The following CBARP variants were observed in gnomAD, a reference collection of about 807,000 sequenced individuals.
The protein encoded by CBARP is voltage-dependent calcium channel beta subunit-associated regulatory protein.
Under a neutral mutation model 36.3 loss-of-function variants are expected in CBARP, and 24 were observed. The observed-to-expected ratio is 0.66, with a 90% confidence interval of 0.48 to 0.93. CBARP has a LOEUF of 0.93. CBARP is among the 40% of genes least tolerant of loss of function. The pLI, the probability that CBARP is intolerant of heterozygous loss-of-function variation, is 0.00. For synonymous variants in CBARP, 586 were observed against 453.2 expected, an observed-to-expected ratio of 1.29 and a Z score of -3.72; for missense variants, 1,146 against 980.4, an observed-to-expected ratio of 1.17 and a Z score of -2.26.
At chr19:1,233,865 G>A (rs531020223) in intron 7 of CBARP, among the ~76,000 whole-genome samples, 1 of 152,230 alleles carries the variant, frequency 6.6e-6, no homozygotes, top group South Asian at 2.1e-4. Context: ...ATGGGGTTTG[G>A]AGAGAAAAGG....
At chr19:1,230,496 T>G in intron 9 of CBARP, 1 of 1,010,308 alleles carries the variant, frequency 9.9e-7, no homozygotes, top group Non-Finnish European at 1.2e-6. Flanking sequence ...TGGACGCGGT[T>G]GAGTCCAGCT....
chr19:1,235,763 G>A lies in CBARP; in HGVS notation c.245+16C>T, dbSNP rs777554957. 3.1e-6 allele frequency: 5 copies of A among 1,606,582 alleles called. No homozygotes were observed. The South Asian group carries it at 5.5e-5, about 18-fold the overall frequency. Reference sequence around the variant, plus strand: ...AACCACCATGCACCTGCCCAGCCGAGGTGGGGGCCTCGCACCTGTTGAGGC... The same window carrying A: ...AACCACCATGCACCTGCCCAGCCGAAGTGGGGGCCTCGCACCTGTTGAGGC... On this transcript the variant is annotated intron_variant, in intron 3 of 9. Transcript: ENST00000650044.
At chr19:1,231,500 C>T (rs1599942599) in intron 8 of CBARP, among the ~76,000 whole-genome samples, 1 of 108,258 alleles carries the variant, frequency 9.2e-6, no homozygotes. Flanking sequence ...CATACACACA[C>T]ATAGAACGCC....
In CBARP at chr19:1,235,118, T is replaced by C; in HGVS notation, c.338A>G (p.Glu113Gly). 1 of 1,599,132 alleles carries C rather than the reference T, an allele frequency of 6.3e-7. No individual in the cohort carries two copies. The highest frequency in any genetic ancestry group is 8.5e-7 in the Non-Finnish European group (1 of 1,173,552). ...QDPDFRGEDPECQDAETERFL... is the reference protein window; with the variant it reads ...QDPDFRGEDPGCQDAETERFL... Reference sequence around the variant, plus strand: ...GCGTTCGGTCTCCGCATCCTGGCACTCGGGGTCCTCTCCCCGGAAGTCGGG... The same window carrying C: ...GCGTTCGGTCTCCGCATCCTGGCACCCGGGGTCCTCTCCCCGGAAGTCGGG... Residue 113 changes from glutamate to glycine, a missense_variant, in exon 5 of 10, where the codon GAG becomes GGG. Transcript: ENST00000650044.
Position 1,235,527 on chromosome 19 carries a change from A to G in CBARP, c.284T>C (p.Leu95Pro), listed in dbSNP as rs1303506254. Residue 95 changes from leucine to proline, a missense_variant, in exon 4 of 10, where the codon CTG becomes CCG. Leu to Pro is a moderately conservative substitution (Grantham distance 98, BLOSUM62 -3). Coordinates refer to ENST00000650044, the MANE Select transcript of CBARP (RefSeq NM_001393918.1). ...EEAEKTTTTY[L>P]DNGTHPAQDP... ...TTGGGCTGGGTGGGTGCCGTTGTCC[A>G]GGTAGGTGGTGGTGGTCTTCTCCGC... 6.2e-7 allele frequency: 1 copy of G among 1,604,882 alleles called. No homozygotes were observed. The highest frequency in any genetic ancestry group is 1.1e-5 in the South Asian group (1 of 89,646).
chr19:1,231,655 A>C (rs576109394), intron 8 of CBARP, among the ~76,000 whole-genome samples: 154 of 130,198 alleles, frequency 1.2e-3, no homozygotes, highest in African/African-American at 1.7e-3. Context: ...TGTGGCCCCC[A>C]CACACACACA....
chr19:1,235,868 C>T lies in CBARP; in HGVS notation c.156G>A (p.Met52Ile). The change falls in exon 3 of 10, where the codon ATG (methionine) becomes ATA (isoleucine). Residue 52 changes from methionine to isoleucine, a missense_variant. Met to Ile is a conservative substitution (Grantham distance 10, BLOSUM62 1). Transcript: ENST00000650044. Reference sequence around the variant, plus strand: ...CCAGCGTGCCCCCCACGAACAGCGACATCACCACCACCAGCAGCACGTAGT... The same window carrying T: ...CCAGCGTGCCCCCCACGAACAGCGATATCACCACCACCAGCAGCACGTAGT... ...LDNYVLLVVV[M>I]SLFVGGTLVV... The T allele has an allele frequency of 1.2e-6, 2 of 1,612,330 alleles. No individual in the cohort carries two copies. The highest frequency in any genetic ancestry group is 1.7e-6 in the Non-Finnish European group (2 of 1,179,926).
At chr19:1,233,776 G>A in intron 7 of CBARP, 140 bp from the exon 8 acceptor site, 3 of 850,682 alleles carry the variant, frequency 3.5e-6, no homozygotes, top group East Asian at 2.7e-5. Flanking sequence ...TCGGAGAGGG[G>A]CAGAAGCGGG....
chr19:1,232,692 A>G (rs764596133), intron 8 of CBARP, among the ~76,000 whole-genome samples: 2 of 152,250 alleles, frequency 1.3e-5, no homozygotes, highest in Non-Finnish European at 2.9e-5. Flanking sequence ...TCTATGTGCT[A>G]CAGCCCAGAG....
In CBARP at chr19:1,235,845, A is replaced by G; in HGVS notation, c.179T>C (p.Leu60Pro). 1 of 1,611,726 alleles carries G rather than the reference A, an allele frequency of 6.2e-7. No homozygotes were observed. The highest frequency in any genetic ancestry group is 8.5e-7 in the Non-Finnish European group (1 of 1,179,930). The change falls in exon 3 of 10, where the codon CTG (leucine) becomes CCG (proline). Residue 60 changes from leucine to proline, a missense_variant. Coordinates refer to ENST00000650044, the MANE Select transcript of CBARP (RefSeq NM_001393918.1). ...GAGCAGGACGCCAGACAACACCACC[A>G]GCGTGCCCCCCACGAACAGCGACAT... is the stretch of plus-strand genomic sequence containing the variant. ...VVMSLFVGGT[L>P]VVLSGVLLLC... is the part of the protein sequence containing the mutation.
chr19:1,231,403 T>A, intron 8 of CBARP, 128 bp from the exon 9 acceptor site: 1 of 1,258,430 alleles, frequency 7.9e-7, no homozygotes, highest in Non-Finnish European at 1.0e-6. Context: ...ACACAACGCC[T>A]GTGGACCCCC....
intron 3 of CBARP, 102 bp from the exon 4 acceptor site, chr19:1,235,667 T>C: frequency 1.3e-6 from 2 of 1,589,770 alleles, no homozygotes; most frequent in Non-Finnish European, 1.7e-6. Context: ...TCACCCAGTC[T>C]CCAGAGGCAT....
rs2080933898 is a variant in CBARP at position 1,234,330 on chromosome 19, G to T, written c.629C>A (p.Pro210His). ...GCGGCCGGTGAGGGCCTTCCCCGGG[G>T]GCTGTGGGACAGAGCCAGGTGGGGG... ...SPKATLAIFQ[P>H]PGKALTGRSV... is the part of the protein sequence containing the mutation. The change falls in exon 7 of 10, where the codon CCC becomes CAC. Residue 210 changes from proline to histidine, a missense_variant and splice_region_variant. Pro to His is a moderately conservative substitution (Grantham distance 77, BLOSUM62 -2). Coordinates refer to ENST00000650044, the MANE Select transcript of CBARP (RefSeq NM_001393918.1). The T allele has an allele frequency of 6.9e-7, 1 of 1,443,134 alleles. No homozygotes were observed. The highest frequency in any genetic ancestry group is 9.1e-7 in the Non-Finnish European group (1 of 1,095,994). 89.4% of individuals were successfully genotyped at this position (1,443,134 alleles called of 1,614,324 possible). A position where few individuals can be genotyped will look rare whatever the true frequency, so the allele number is the denominator to read the frequency against.
intron 8 of CBARP, 21 bp from the exon 9 acceptor site, chr19:1,231,296 A>G (rs888678214): frequency 1.1e-5 from 17 of 1,594,376 alleles, no homozygotes; most frequent in Non-Finnish European, 1.4e-5. Flanking sequence ...GATGTGCCGT[A>G]AGCGTCAGCC....
rs566518999 is a variant in CBARP at position 1,228,438 on chromosome 19, C to T, written c.*741G>A. On this transcript the variant is annotated 3_prime_UTR_variant, in exon 10 of 10. Coordinates refer to ENST00000650044, the MANE Select transcript of CBARP (RefSeq NM_001393918.1). ...AAAGCTTGGGAAGCTTGGACCTGGCCGTCTGGGTTTTGTTCGCGTCTCAAC... is the reference window on the plus strand; with the variant it reads ...AAAGCTTGGGAAGCTTGGACCTGGCTGTCTGGGTTTTGTTCGCGTCTCAAC... The T allele has an allele frequency of 1.4e-4, 31 of 219,170 alleles. No homozygotes were observed. The East Asian group carries it at 1.9e-3, about 14-fold the overall frequency. 13.6% of individuals were successfully genotyped at this position (219,170 alleles called of 1,614,324 possible). A position where few individuals can be genotyped will look rare whatever the true frequency, so the allele number is the denominator to read the frequency against.
intron 4 of CBARP, 44 bp downstream of exon 4, chr19:1,235,457 C>T (rs373422019): frequency 2.8e-5 from 42 of 1,526,854 alleles, no homozygotes; most frequent in African/African-American, 1.8e-4. Context: ...GGCCGAGGGG[C>T]GGATGGACAG....
At chr19:1,230,672 T>C in intron 9 of CBARP, 2 of 1,279,420 alleles carry the variant, frequency 1.6e-6, no homozygotes, top group Non-Finnish European at 2.0e-6. Context: ...GGCCCTGGGC[T>C]TCAGGGAAGT....
chr19:1,229,104 C>G lies in CBARP; in HGVS notation c.*75G>C. On this transcript the variant is annotated 3_prime_UTR_variant, in exon 10 of 10. Transcript: ENST00000650044. This position sits in a 1 kb window ranked among gnomAD's most constrained non-coding sequence, Gnocchi z 5.1. ...GCATTCGCGTCGGGGCGTCGCGCCC[C>G]CACGTCTCTCCCGCCGCCGAGGCCC... 1 of 545,024 alleles carries G rather than the reference C, an allele frequency of 1.8e-6. No individual in the cohort carries two copies. Among genetic ancestry groups the G allele is most frequent in the Non-Finnish European group, 2.4e-6 (1 of 422,034 alleles). 33.8% of individuals were successfully genotyped at this position (545,024 alleles called of 1,614,324 possible).
intron 1 of CBARP, among the ~76,000 whole-genome samples, chr19:1,236,829 AGGGGGCGCGGGGGCGGCGGCCTGGGG>A (rs2080980353): frequency 6.0e-5 from 1 of 16,724 alleles, no homozygotes; most frequent in African/African-American, 2.4e-4. Flanking sequence ...AGCGGCGGGG[AGGGGGCGCGGGGGCGGCGGCCTGGGG>A]GGGGGCGGCG....
Sources: gnomAD v4.1 joint callset for allele counts (sites outside exome capture counted in the v4.1 genomes callset) on GRCh38, gnomAD v4.1.1 for gene constraint, Gnocchi (gnomAD v3.1) non-coding constraint, MANE v1.5 for transcripts, NCBI Gene and HGNC (gene_info 2026-07-23, HGNC 2026-07-21) for gene names.